ZSCAN5A: variants seen among roughly 807,000 people sequenced by gnomAD.
The protein encoded by ZSCAN5A is zinc finger and SCAN domain containing 5A.
A neutral mutation model predicts 23.7 loss-of-function variants in ZSCAN5A; 12 were observed. The observed-to-expected ratio is 0.51, with a 90% CI of 0.32 to 0.82. The LOEUF is 0.82. Ranked by LOEUF, ZSCAN5A falls within the 40% of genes least tolerant of loss-of-function variation. ZSCAN5A has a pLI of 0.03. For synonymous variants in ZSCAN5A, 257 were observed against 239.9 expected, an observed-to-expected ratio of 1.07 and a Z score of -0.66; for missense variants, 597 against 617.9, an observed-to-expected ratio of 0.97 and a Z score of 0.36.
chr19:56,341,486 C>A (rs2041591498), intron 2 of ZSCAN5A, among the ~76,000 whole-genome samples: 1 of 151,922 alleles, frequency 6.6e-6, no homozygotes, highest in African/African-American at 2.4e-5. Context: ...GAAATATATA[C>A]AATATATTCA....
chr19:56,272,289 T>C (rs924895802), intron 2 of ZSCAN5A, among the ~76,000 whole-genome samples: 1 of 152,252 alleles, frequency 6.6e-6, no homozygotes, highest in African/African-American at 2.4e-5. Context: ...AAACGTTTTC[T>C]ATAAAGGGCC....
At chr19:56,300,600 T>C (rs1441191207) in intron 2 of ZSCAN5A, among the ~76,000 whole-genome samples, 5 of 152,240 alleles carry the variant, frequency 3.3e-5, no homozygotes, top group East Asian at 3.8e-4. Context: ...AAAAGATTAG[T>C]GTAAACGTTG....
intron 2 of ZSCAN5A, among the ~76,000 whole-genome samples, chr19:56,287,671 A>AG (rs2147123518): frequency 6.6e-6 from 1 of 152,292 alleles, no homozygotes; most frequent in African/African-American, 2.4e-5. Context: ...CAGGGGGTTG[A>AG]GGCAGATGTG....
chr19:56,221,767 GCTTCT>G lies in ZSCAN5A; in HGVS notation c.1294_1298del (p.Arg432ProfsTer10). On this transcript the variant is annotated frameshift_variant, in exon 6 of 6. Transcript: ENST00000683990. LOFTEE classifies it low-confidence loss of function (END_TRUNC). ...ATTCGAAGGGCTTCTCCCCTGTGTG[GCTTCT>G]CTTGTGACACTTCAAGTAGGACTTC... 6.2e-7 allele frequency: 1 copy of G among 1,614,184 alleles called. No individual in the cohort carries two copies. Among genetic ancestry groups the G allele is most frequent in the Middle Eastern group, 1.7e-4 (1 of 6,060 alleles).
At chr19:56,256,128 A>T (rs567623959) in intron 2 of ZSCAN5A, among the ~76,000 whole-genome samples, 9 of 152,352 alleles carry the variant, frequency 5.9e-5, no homozygotes, top group South Asian at 2.1e-4. Flanking sequence ...ATACAGAAAA[A>T]AGGATAATGG....
intron 2 of ZSCAN5A, among the ~76,000 whole-genome samples, chr19:56,233,414 A>G (rs544142349): frequency 6.6e-6 from 1 of 152,254 alleles, no homozygotes; most frequent in East Asian, 1.9e-4. Flanking sequence ...ATGAGAGGAC[A>G]TGCTTGGCAC....
At chr19:56,240,030 C>T (rs7250979) in intron 2 of ZSCAN5A, among the ~76,000 whole-genome samples, 16,581 of 151,866 alleles carry the variant, frequency 0.11, 1,570 homozygotes, top group East Asian at 0.26. Flanking sequence ...GGCGTGGTGG[C>T]GGGCACCTGT....
chr19:56,316,468 G>GT (rs1313622495), upstream of ZSCAN5A: 1 of 152,804 alleles, frequency 6.5e-6, no homozygotes, highest in African/African-American at 2.4e-5. Context: ...CTATTTTATG[G>GT]TTTTTTAAAT....
intron 2 of ZSCAN5A, among the ~76,000 whole-genome samples, chr19:56,329,026 TAAAAG>T (rs1165454340): frequency 1.4e-5 from 2 of 142,304 alleles, no homozygotes; most frequent in African/African-American, 2.6e-5. Context: ...AATAAATAAA[TAAAAG>T]AAATGTAACA....
upstream of ZSCAN5A, among the ~76,000 whole-genome samples, chr19:56,318,272 C>T (rs530681647): frequency 5.3e-5 from 8 of 152,074 alleles, no homozygotes; most frequent in Non-Finnish European, 1.2e-4. Flanking sequence ...TTGATTCATG[C>T]TTCCGGTTCT....
In ZSCAN5A at chr19:56,221,543, T is replaced by G. The variant is rs1056705456; in HGVS notation, c.*32A>C. The G allele has an allele frequency of 6.5e-7, 1 of 1,537,062 alleles. No homozygotes were observed. The highest frequency in any genetic ancestry group is 8.7e-7 in the Non-Finnish European group (1 of 1,145,148). ...GATGAAAAATATCATTCACTTCTTC[T>G]TGGTGCAGAAGGCATAGACCGGATT... On this transcript the variant is annotated 3_prime_UTR_variant, in exon 6 of 6. Transcript: ENST00000683990.
rs145605840 is a variant in ZSCAN5A, at chr19:56,225,792, T to C, written c.-127-619A>G. On this transcript the variant is annotated intron_variant, in intron 2 of 5. Coordinates refer to ENST00000683990, the MANE Select transcript of ZSCAN5A (RefSeq NM_001322064.3). ...CATGTTGTACAACCATTACCACTGTTTACTTCCAGAATTATCTCATCAACC... is the reference window on the plus strand; with the variant it reads ...CATGTTGTACAACCATTACCACTGTCTACTTCCAGAATTATCTCATCAACC... Among the ~76,000 whole-genome samples the C allele has an allele frequency of 4.2e-3, 641 of 151,138 alleles. 3 individuals carry two copies. Among genetic ancestry groups the C allele is most frequent in the African/African-American group, 0.014 (592 of 41,430 alleles).
intron 2 of ZSCAN5A, among the ~76,000 whole-genome samples, chr19:56,354,009 G>A (rs1436245892): frequency 1.3e-5 from 2 of 152,092 alleles, no homozygotes; most frequent in Non-Finnish European, 2.9e-5. Context: ...GGACCTTGAG[G>A]GCACTATACT....
intron 2 of ZSCAN5A, among the ~76,000 whole-genome samples, chr19:56,302,317 C>A (rs1314904454): frequency 6.9e-6 from 1 of 144,938 alleles, no homozygotes; most frequent in African/African-American, 2.5e-5. Flanking sequence ...TTTCTCCCTC[C>A]CTCCCTCCCC....
At chr19:56,277,922 A>G (rs2147026314) in intron 2 of ZSCAN5A, among the ~76,000 whole-genome samples, 1 of 152,342 alleles carries the variant, frequency 6.6e-6, no homozygotes, top group East Asian at 1.9e-4. Context: ...TATTTGAAAA[A>G]TAAGGATAAT....
intron 2 of ZSCAN5A, among the ~76,000 whole-genome samples, chr19:56,284,600 T>C (rs2038967481): frequency 6.8e-6 from 1 of 147,912 alleles, no homozygotes; most frequent in Non-Finnish European, 1.5e-5. Flanking sequence ...CTGCAGCCTC[T>C]GCCTCCCGGG....
intron 2 of ZSCAN5A, among the ~76,000 whole-genome samples, chr19:56,337,004 C>T (rs2041544542): frequency 6.6e-6 from 1 of 152,212 alleles, no homozygotes; most frequent in Non-Finnish European, 1.5e-5. Context: ...CTGGGGGGTG[C>T]CTCCCAGTTA....
intron 2 of ZSCAN5A, among the ~76,000 whole-genome samples, chr19:56,294,908 C>A (rs1047335502): frequency 6.6e-6 from 1 of 152,162 alleles, no homozygotes; most frequent in Non-Finnish European, 1.5e-5. Context: ...TCTGTCTCTA[C>A]GACATGTCCA....
chr19:56,236,049 G>C (rs2034883808), intron 2 of ZSCAN5A, among the ~76,000 whole-genome samples: 1 of 81,512 alleles, frequency 1.2e-5, no homozygotes, highest in African/African-American at 5.8e-5. Flanking sequence ...TGGACGGTGG[G>C]CCAAGCCTCC....
Sources: gnomAD v4.1 joint callset for allele counts (sites outside exome capture counted in the v4.1 genomes callset) on GRCh38, gnomAD v4.1.1 for gene constraint, MANE v1.5 for transcripts, NCBI Gene and HGNC (gene_info 2026-07-23, HGNC 2026-07-21) for gene names.